PDE11A: variants seen among roughly 807,000 people sequenced by gnomAD.
PDE11A encodes the protein dual 3',5'-cyclic-AMP and -GMP phosphodiesterase 11A.
PDE11A carries 100 observed loss-of-function variants against 100.5 expected under a neutral mutation model. The observed-to-expected ratio is 1.00, with a 90% confidence interval of 0.85 to 1.18. The LOEUF (loss-of-function observed/expected upper bound fraction) is 1.18, where lower values mean the gene tolerates loss of function less well. PDE11A is among the 50% of genes most tolerant of loss of function. PDE11A has a pLI of 0.00. For missense variants in PDE11A, 1,141 were observed against 1,152.6 expected (o/e 0.99, Z 0.15); for synonymous variants, 381 against 420.8 (o/e 0.91, Z 1.16).
intron 4 of PDE11A, among the ~76,000 whole-genome samples, chr2:177,895,947 G>C (rs957210621): frequency 6.6e-6 from 1 of 151,906 alleles, no homozygotes; most frequent in African/African-American, 2.4e-5. Context: ...TAGAAAATTA[G>C]AATTTAAAAA....
chr2:177,942,944 C>A (rs936352871), intron 2 of PDE11A, among the ~76,000 whole-genome samples: 1 of 152,116 alleles, frequency 6.6e-6, no homozygotes, highest in Non-Finnish European at 1.5e-5. Context: ...ACTTTAGATA[C>A]CTCATGTAAA....
intron 2 of PDE11A, among the ~76,000 whole-genome samples, chr2:178,102,435 T>A (rs2087570890): frequency 6.9e-6 from 1 of 144,962 alleles, no homozygotes; most frequent in African/African-American, 2.6e-5. Flanking sequence ...TAAGTTTTTT[T>A]TTTTTTTTTT....
intron 2 of PDE11A, among the ~76,000 whole-genome samples, chr2:177,988,293 CT>C: frequency 6.6e-6 from 1 of 152,308 alleles, no homozygotes; most frequent in East Asian, 1.9e-4. Context: ...CCTTGTGTGA[CT>C]TCTCAGAGAA....
At chr2:177,652,547 C>T (rs2080326184) in intron 19 of PDE11A, among the ~76,000 whole-genome samples, 2 of 152,084 alleles carry the variant, frequency 1.3e-5, no homozygotes, top group South Asian at 4.1e-4. Context: ...GGACTTTAAA[C>T]AGGTGAGCCA....
rs563458097 is a variant in PDE11A at position 177,675,416 on chromosome 2, T to A, written c.2487+39A>T. The A allele has an allele frequency of 2.4e-5, 35 of 1,466,856 alleles. No individual in the cohort carries two copies. In the East Asian group the frequency reaches 7.9e-4, roughly 33 times the overall value. 90.9% of individuals were successfully genotyped at this position (1,466,856 alleles called of 1,614,324 possible). A position where few individuals can be genotyped will look rare whatever the true frequency, so the allele number is the denominator to read the frequency against. On this transcript the variant is annotated intron_variant, in intron 17 of 19. Coordinates refer to ENST00000286063, the MANE Select transcript of PDE11A (RefSeq NM_016953.4). ...ATTGTGTCCCCCTTACGCCCCCCAG[T>A]CCCTCCTCTGCTGAGCCCTGCCATT... is the stretch of plus-strand genomic sequence containing the variant.
intron 1 of PDE11A, among the ~76,000 whole-genome samples, chr2:178,027,164 A>G (rs968806679): frequency 5.3e-5 from 8 of 152,176 alleles, no homozygotes; most frequent in African/African-American, 1.9e-4. Context: ...AAAAATTTTT[A>G]TGCTCTTTAA....
rs187789834 is a variant in PDE11A, at chr2:178,007,735, C to T, written c.1071+6567G>A. On this transcript the variant is annotated intron_variant, in intron 2 of 19. Coordinates refer to ENST00000286063, the MANE Select transcript of PDE11A (RefSeq NM_016953.4). Reference sequence around the variant, plus strand: ...TTATTTATTTTTTGAGACAGAGTCTCGCCCTGTCACCCCGGCTGGAGTGCA... The same window carrying T: ...TTATTTATTTTTTGAGACAGAGTCTTGCCCTGTCACCCCGGCTGGAGTGCA... 7.2e-5 allele frequency among the ~76,000 whole-genome samples: 11 copies of T among 152,142 alleles called. No individual in the cohort carries two copies. The East Asian group carries it at 1.7e-3, about 24-fold the overall frequency.
intron 2 of PDE11A, among the ~76,000 whole-genome samples, chr2:177,908,727 A>G (rs1173261754): frequency 6.6e-6 from 1 of 152,172 alleles, no homozygotes; most frequent in Non-Finnish European, 1.5e-5. Context: ...ACATGGCTAG[A>G]GAGGTTCCAG....
At position 177,840,270 on chromosome 2, in the gene PDE11A, T is replaced by A. The variant is rs2083469624; in HGVS notation, c.1481A>T (p.Asp494Val). The A allele has an allele frequency of 1.9e-6, 3 of 1,614,040 alleles. No individual in the cohort carries two copies. The highest frequency in any genetic ancestry group is 2.7e-5 in the African/African-American group (2 of 74,926). The change falls in exon 6 of 20, where the codon GAT (aspartate) becomes GTT (valine). Residue 494 changes from aspartate to valine, a missense_variant. Physicochemically the swap from Asp to Val is radical, Grantham distance 152. Coordinates refer to ENST00000286063, the MANE Select transcript of PDE11A (RefSeq NM_016953.4). ...TCTTACCTCTGCATCAAAGCGCGGA[T>A]CCTGGTAGGCATCACTGATGTTCAC... ...LPVNISDAYQ[D>V]PRFDAEADQI... is the part of the protein sequence containing the mutation.
In PDE11A at chr2:177,875,869, C is replaced by A; in HGVS notation, c.1357G>T (p.Ala453Ser). The change falls in exon 5 of 20, where the codon GCT (alanine) becomes TCT (serine). Residue 453 changes from alanine to serine, a missense_variant. Physicochemically the swap from Ala to Ser is moderately conservative, Grantham distance 99. Coordinates refer to ENST00000286063, the MANE Select transcript of PDE11A (RefSeq NM_016953.4). Reference sequence around the variant, plus strand: ...CCCCACAAGCCCTACCTGTTCTCAGCATCAGCACTGCACTTTGGGGACATC... The same window carrying A: ...CCCCACAAGCCCTACCTGTTCTCAGAATCAGCACTGCACTTTGGGGACATC... ...ELMSPKCSAD[A>S]ENSFKESMEK... 6.2e-7 allele frequency: 1 copy of A among 1,610,060 alleles called. No homozygotes were observed. The highest frequency in any genetic ancestry group is 8.5e-7 in the Non-Finnish European group (1 of 1,176,292).
intron 12 of PDE11A, among the ~76,000 whole-genome samples, chr2:177,714,841 T>C (rs2081412619): frequency 6.6e-6 from 1 of 152,034 alleles, no homozygotes; most frequent in African/African-American, 2.4e-5. Context: ...GTCAGAACGG[T>C]CACAGCTTGT....
chr2:177,844,951 C>T (rs1291750316), intron 5 of PDE11A, among the ~76,000 whole-genome samples: 2 of 151,752 alleles, frequency 1.3e-5, no homozygotes, highest in Non-Finnish European at 2.9e-5. Context: ...TCTACACAGA[C>T]ACGGCAACCA....
At chr2:178,085,231 T>C (rs2105880773) in intron 2 of PDE11A, among the ~76,000 whole-genome samples, 1 of 152,272 alleles carries the variant, frequency 6.6e-6, no homozygotes, top group East Asian at 1.9e-4. Flanking sequence ...CTATATTCAA[T>C]ACCTGACAGA....
intron 5 of PDE11A, among the ~76,000 whole-genome samples, chr2:177,871,682 A>T (rs2084139306): frequency 6.6e-6 from 1 of 151,654 alleles, no homozygotes; most frequent in Non-Finnish European, 1.5e-5. Context: ...ACACAGTGAG[A>T]CTCCTGTCTC....
intron 5 of PDE11A, among the ~76,000 whole-genome samples, chr2:177,860,020 G>T (rs1309069908): frequency 1.3e-5 from 2 of 151,680 alleles, no homozygotes; most frequent in African/African-American, 4.8e-5. Context: ...AAGGAATAAG[G>T]TCTCAAATCA....
At chr2:178,003,455 G>T (rs2086168235) in intron 2 of PDE11A, among the ~76,000 whole-genome samples, 2 of 152,084 alleles carry the variant, frequency 1.3e-5, no homozygotes, top group East Asian at 1.9e-4. Context: ...AGTCACCAAG[G>T]ATTACATATT....
chr2:177,692,752 C>T (rs2081057846), intron 15 of PDE11A, among the ~76,000 whole-genome samples: 1 of 152,194 alleles, frequency 6.6e-6, no homozygotes, highest in Non-Finnish European at 1.5e-5. Context: ...GTATTTTAAT[C>T]TTGTGAATTC....
intron 19 of PDE11A, among the ~76,000 whole-genome samples, chr2:177,654,950 A>C (rs2080360209): frequency 6.6e-6 from 1 of 152,216 alleles, no homozygotes; most frequent in African/African-American, 2.4e-5. Flanking sequence ...AAAAACTATA[A>C]AGTTACTTAA....
intron 10 of PDE11A, among the ~76,000 whole-genome samples, chr2:177,758,383 T>C (rs924509970): frequency 3.9e-5 from 6 of 151,976 alleles, no homozygotes; most frequent in African/African-American, 1.2e-4. Context: ...TGCACAGATG[T>C]TGTGTATTGA....
Sources: gnomAD v4.1 joint callset for allele counts (sites outside exome capture counted in the v4.1 genomes callset) on GRCh38, gnomAD v4.1.1 for gene constraint, MANE v1.5 for transcripts, NCBI Gene and HGNC (gene_info 2026-07-23, HGNC 2026-07-21) for gene names.